Variants in NUP210 observed in about 807,000 individuals in gnomAD.
The protein encoded by NUP210 is nuclear pore membrane glycoprotein 210.
Under a neutral mutation model 196.0 loss-of-function variants are expected in NUP210, and 151 were observed. That is an observed-to-expected ratio of 0.77 (90% CI 0.67 to 0.88). The LOEUF (loss-of-function observed/expected upper bound fraction) is 0.88. NUP210 is among the 40% of genes least tolerant of loss of function. NUP210 has a pLI of 0.00. For synonymous variants in NUP210, 1,070 were observed against 1,052.7 expected, an observed-to-expected ratio of 1.02 and a Z score of -0.32; for missense variants, 2,314 against 2,493.7, an observed-to-expected ratio of 0.93 and a Z score of 1.53.
chr3:13,342,748 T>C (rs1216007149), intron 21 of NUP210, among the ~76,000 whole-genome samples: 1 of 152,212 alleles, frequency 6.6e-6, no homozygotes, highest in Non-Finnish European at 1.5e-5. Flanking sequence ...ATCTATCCCT[T>C]GTCTCTTTTT....
At chr3:13,320,775 C>T (rs1696491396) in intron 36 of NUP210, among the ~76,000 whole-genome samples, 1 of 151,814 alleles carries the variant, frequency 6.6e-6, no homozygotes, top group African/African-American at 2.4e-5. Context: ...ACCTATAGTC[C>T]CAGCTACTTG....
At chr3:13,414,882 G>T (rs7629627) in intron 1 of NUP210, among the ~76,000 whole-genome samples, 33,687 of 152,178 alleles carry the variant, frequency 0.22, 5,850 homozygotes, top group African/African-American at 0.49. Context: ...CCTGAGAGCA[G>T]GGCATCTCCT....
At chr3:13,417,710 C>T (rs1427907822) in intron 1 of NUP210, among the ~76,000 whole-genome samples, 1 of 152,196 alleles carries the variant, frequency 6.6e-6, no homozygotes, top group African/African-American at 2.4e-5. Flanking sequence ...TTCCAAACAC[C>T]TCTGAGAAGA....
At chr3:13,412,926 A>G (rs569630345) in intron 1 of NUP210, among the ~76,000 whole-genome samples, 242 of 151,644 alleles carry the variant, frequency 1.6e-3, no homozygotes, top group African/African-American at 5.5e-3. Context: ...AGCCGAGATC[A>G]GGCCACTGCA....
chr3:13,351,562 T>C (rs180998232), intron 20 of NUP210: 149 of 288,986 alleles, frequency 5.2e-4, no homozygotes, highest in African/African-American at 3.0e-3. Context: ...CACTGCTCAA[T>C]GCACCCCTCA....
At chr3:13,380,403 A>G (rs1346640294) in intron 6 of NUP210, among the ~76,000 whole-genome samples, 1 of 152,200 alleles carries the variant, frequency 6.6e-6, no homozygotes, top group Non-Finnish European at 1.5e-5. Flanking sequence ...GTGTCTCATG[A>G]TCACGTTCCC....
chr3:13,318,135 C>T (rs1406198463), intron 39 of NUP210, among the ~76,000 whole-genome samples: 3 of 152,188 alleles, frequency 2.0e-5, no homozygotes, highest in Admixed American at 6.5e-5. Flanking sequence ...ACAAAGACCC[C>T]GAGGGGAGCA....
At chr3:13,401,587 A>C (rs1407769816) in intron 1 of NUP210, among the ~76,000 whole-genome samples, 2 of 152,214 alleles carry the variant, frequency 1.3e-5, no homozygotes, top group Middle Eastern at 3.2e-3. Flanking sequence ...ACAGCAAAGC[A>C]GGCACAAGCC....
intron 20 of NUP210, chr3:13,345,249 A>G: frequency 1.0e-6 from 1 of 984,770 alleles, no homozygotes; most frequent in Non-Finnish European, 1.2e-6. Flanking sequence ...TGCAACCCTC[A>G]TGGACCTTCA....
Position 13,340,839 on chromosome 3 carries a change from G to C in NUP210, c.3229-541C>G, listed in dbSNP as rs1337013406. ...ACGTTGGTGCCACTCTTTGCAGCAGGTGAAGCCCCCACCTGCTCCTCCTGA... is the reference window on the plus strand; with the variant it reads ...ACGTTGGTGCCACTCTTTGCAGCAGCTGAAGCCCCCACCTGCTCCTCCTGA... On this transcript the variant is annotated intron_variant, in intron 23 of 39. Transcript: ENST00000254508. The surrounding 1 kb of genome is among the most constrained non-coding windows in gnomAD (Gnocchi z 4.0). Among the ~76,000 whole-genome samples the C allele has an allele frequency of 1.3e-5, 2 of 152,094 alleles. No individual in the cohort carries two copies. Among genetic ancestry groups the C allele is most frequent in the Non-Finnish European group, 2.9e-5 (2 of 68,012 alleles).
At position 13,348,696 on chromosome 3, in the gene NUP210, C is replaced by T; in HGVS notation, c.2835+3183G>A. ...CCTCGCCTCCTCCAGTGTCCTCCAA[C>T]CACAAGCATGTCCCCAGCTGCTGAG... is the stretch of plus-strand genomic sequence containing the variant. On this transcript the variant is annotated intron_variant, in intron 20 of 39. Coordinates refer to ENST00000254508, the MANE Select transcript of NUP210 (RefSeq NM_024923.4). The surrounding 1 kb of genome is among the most constrained non-coding windows in gnomAD (Gnocchi z 4.0). The T allele has an allele frequency of 1.0e-6, 1 of 985,416 alleles. No homozygotes were observed. Among genetic ancestry groups the T allele is most frequent in the South Asian group, 4.7e-5 (1 of 21,292 alleles). The allele number at this position is 985,416 out of a possible 1,614,324, so 61.0% of individuals were successfully genotyped here.
chr3:13,397,299 G>C, intron 3 of NUP210, 58 bp downstream of exon 3: 2 of 1,572,918 alleles, frequency 1.3e-6, no homozygotes, highest in East Asian at 2.4e-5. Flanking sequence ...CCAGAGTCAT[G>C]GTGGGGGGAT....
rs752688331 is a variant in NUP210 at position 13,399,756 on chromosome 3, G to A, written c.273C>T (p.Arg91=). The A allele has an allele frequency of 2.5e-6, 4 of 1,614,146 alleles. No homozygotes were observed. Among genetic ancestry groups the A allele is most frequent in the Non-Finnish European group, 3.4e-6 (4 of 1,180,012 alleles). ...CCTCTGCGAAGATGATGCTGGTGAG[G>A]CGGGCAGGCTGGGTCAGGCGGGCCT... ...VVQARLTQPA[R]LTSIIFAEDI... Residue 91 remains arginine (R), a synonymous_variant, in exon 2 of 40, where the codon CGC becomes CGT. Transcript: ENST00000254508.
chr3:13,378,716 G>A (rs1220827577), intron 8 of NUP210, among the ~76,000 whole-genome samples, 196 bp downstream of exon 8: 5 of 152,220 alleles, frequency 3.3e-5, no homozygotes, highest in Admixed American at 2.0e-4. Flanking sequence ...CGCCTGCCTG[G>A]CTTGGCTCAT....
chr3:13,344,304 T>C (rs905639), intron 20 of NUP210, among the ~76,000 whole-genome samples: 146,288 of 152,338 alleles, frequency 0.96, 70,298 homozygotes, highest in East Asian at 1. Flanking sequence ...ATGGAATTCA[T>C]ACAGCTTGTC....
chr3:13,340,133 C>T lies in NUP210; in HGVS notation c.3292-100G>A. ...GGGCCCCAGTGCAGGCAGCTTCTGCCTTCTTCTCCCAGTCACTGCACGCAG... is the reference window on the plus strand; with the variant it reads ...GGGCCCCAGTGCAGGCAGCTTCTGCTTTCTTCTCCCAGTCACTGCACGCAG... On this transcript the variant is annotated intron_variant, in intron 24 of 39. Transcript: ENST00000254508. The surrounding 1 kb of genome is among the most constrained non-coding windows in gnomAD (Gnocchi z 4.0). The T allele has an allele frequency of 6.2e-7, 1 of 1,601,818 alleles. No individual in the cohort carries two copies. Among genetic ancestry groups the T allele is most frequent in the Non-Finnish European group, 8.5e-7 (1 of 1,171,798 alleles).
At position 13,372,039 on chromosome 3, in the gene NUP210, G is replaced by A; in HGVS notation, c.1588-7C>T. 3.2e-6 allele frequency: 5 copies of A among 1,562,572 alleles called. No individual in the cohort carries two copies. The highest frequency in any genetic ancestry group is 3.5e-6 in the Non-Finnish European group (4 of 1,151,686). ...GGGGCTCGATCACATACACCTGGAA[G>A]ACAGGGGCATGGCCTGGGCTCAGCT... is the stretch of plus-strand genomic sequence containing the variant. On this transcript the variant is annotated splice_region_variant and splice_polypyrimidine_tract_variant and intron_variant, in intron 12 of 39. Transcript: ENST00000254508.
chr3:13,365,380 T>G (rs550023909), intron 14 of NUP210, among the ~76,000 whole-genome samples: 1 of 152,274 alleles, frequency 6.6e-6, no homozygotes, highest in Non-Finnish European at 1.5e-5. Context: ...CAGGCTGGTC[T>G]CAGCTCAGGA....
At chr3:13,407,518 G>A (rs1446035639) in intron 1 of NUP210, among the ~76,000 whole-genome samples, 2 of 152,120 alleles carry the variant, frequency 1.3e-5, no homozygotes, top group Non-Finnish European at 2.9e-5. Flanking sequence ...CTGCTGGAAA[G>A]AGCCTGAACC....
Sources: gnomAD v4.1 joint callset for allele counts (sites outside exome capture counted in the v4.1 genomes callset) on GRCh38, gnomAD v4.1.1 for gene constraint, Gnocchi (gnomAD v3.1) non-coding constraint, MANE v1.5 for transcripts, NCBI Gene and HGNC (gene_info 2026-07-23, HGNC 2026-07-21) for gene names.